Variants in PBX1 observed in about 807,000 individuals in gnomAD.
PBX1 encodes the protein pre-B-cell leukemia transcription factor 1.
PBX1 carries 6 observed loss-of-function variants against 53.4 expected under a neutral mutation model. That is an observed-to-expected ratio of 0.11 (90% CI 0.06 to 0.22). The LOEUF is 0.22. PBX1 is among the 10% of genes least tolerant of loss of function. The probability of loss-of-function intolerance (pLI) is 1.00; values close to 1 mark genes in which losing one functional copy is unlikely to be tolerated. For synonymous variants in PBX1, 204 were observed against 212.3 expected (o/e 0.96, Z 0.34); for missense variants, 251 against 551.4 (o/e 0.46, Z 5.46).
intron 2 of PBX1, among the ~76,000 whole-genome samples, chr1:164,711,869 C>T (rs911023699): frequency 4.6e-5 from 7 of 152,082 alleles, no homozygotes; most frequent in Admixed American, 2.0e-4. Context: ...CTTCACAGGC[C>T]GAGGGTCTTT....
rs1450262513 is a variant in PBX1, at chr1:164,779,206, A to T, written c.266-13288A>T. Among the ~76,000 whole-genome samples the T allele has an allele frequency of 3.9e-5, 6 of 151,992 alleles. 1 individual carries two copies. The South Asian group carries it at 6.2e-4, about 16-fold the overall frequency. On this transcript the variant is annotated intron_variant, in intron 2 of 8. Transcript: ENST00000420696. ...AATATGGCGTATTTAGTTCTTCTCT[A>T]CCACATTGTCCACATACCTGTTCTA... is the stretch of plus-strand genomic sequence containing the variant.
intron 2 of PBX1, among the ~76,000 whole-genome samples, chr1:164,711,422 C>T (rs564881810): frequency 6.6e-6 from 1 of 152,312 alleles, no homozygotes; most frequent in African/African-American, 2.4e-5. Context: ...CGCCACCATG[C>T]CCGGCTAATT....
chr1:164,724,271 C>G (rs1664563627), intron 2 of PBX1, among the ~76,000 whole-genome samples: 1 of 152,118 alleles, frequency 6.6e-6, no homozygotes, highest in Non-Finnish European at 1.5e-5. Flanking sequence ...GCTTCCAGGC[C>G]CATGGATTTC....
At chr1:164,733,378 G>A (rs1665100856) in intron 2 of PBX1, among the ~76,000 whole-genome samples, 2 of 152,112 alleles carry the variant, frequency 1.3e-5, no homozygotes, top group South Asian at 4.1e-4. Flanking sequence ...TGGGTCCTGT[G>A]CATCTCTGTG....
chr1:164,686,224 CT>C (rs949253581), intron 2 of PBX1, among the ~76,000 whole-genome samples: 1 of 152,200 alleles, frequency 6.6e-6, no homozygotes, highest in East Asian at 1.9e-4. Context: ...CCACTGTACT[CT>C]TTTCAGATGA....
intron 2 of PBX1, among the ~76,000 whole-genome samples, chr1:164,878,086 T>C (rs78499915): frequency 0.048 from 7,369 of 152,296 alleles, 218 homozygotes; most frequent in East Asian, 0.096. Context: ...CATAAACACT[T>C]AGAGTGCTTA....
At chr1:164,573,015 T>C (rs746495306) in intron 2 of PBX1, among the ~76,000 whole-genome samples, 17 of 152,194 alleles carry the variant, frequency 1.1e-4, no homozygotes, top group Admixed American at 2.6e-4. Flanking sequence ...CCCCCTCCCC[T>C]ACTTCTAGAG....
chr1:164,786,720 T>TGTGTGTGTGTGTGTGTGTGTGTGCGC (rs1357886882), intron 2 of PBX1, among the ~76,000 whole-genome samples: 3 of 116,254 alleles, frequency 2.6e-5, no homozygotes, highest in African/African-American at 1.0e-4. Flanking sequence ...TGTGTGTGTG[T>TGTGTGTGTGTGTGTGTGTGTGTGCGC]GCGCGCGCAC....
Position 164,745,301 on chromosome 1 carries a change from G to T in PBX1, c.266-47193G>T, listed in dbSNP as rs16834286. Among the ~76,000 whole-genome samples, 6 of 152,048 alleles carry T rather than the reference G, an allele frequency of 3.9e-5. No individual in the cohort carries two copies. The South Asian group carries it at 1.2e-3, about 32-fold the overall frequency. ...TGCCCTGGGACTTTCCTTTATCATC[G>T]CAGACTGTGTATTAAAAGTCCTTTG... On this transcript the variant is annotated intron_variant, in intron 2 of 8. Transcript: ENST00000420696.
intron 1 of PBX1, among the ~76,000 whole-genome samples, chr1:164,562,065 T>C (rs971165297): frequency 4.6e-5 from 7 of 152,068 alleles, no homozygotes; most frequent in Non-Finnish European, 1.0e-4. Context: ...CTTTTTCTAG[T>C]CACACCTTTA....
At chr1:164,596,477 G>A (rs930148168) in intron 2 of PBX1, among the ~76,000 whole-genome samples, 2 of 152,224 alleles carry the variant, frequency 1.3e-5, no homozygotes, top group Non-Finnish European at 2.9e-5. Flanking sequence ...GCCCCCAGGG[G>A]CCATTTGGCA....
rs567829083 is a variant in PBX1, at chr1:164,559,634, C to T, written c.-189C>T. On this transcript the variant is annotated 5_prime_UTR_variant, in exon 1 of 9. Transcript: ENST00000420696. The stretch of plus-strand genomic sequence containing the variant: ...CACGCCCCCTCCCCCTCCCCCTCCT[C>T]ATCCTCCCACCATCCTCTAAAGAGG... 2.0e-5 allele frequency: 8 copies of T among 391,304 alleles called. No individual in the cohort carries two copies. The South Asian group carries it at 3.9e-4, about 19-fold the overall frequency. The allele number at this position is 391,304 out of a possible 1,614,324, so 24.2% of individuals were successfully genotyped here. A position where few individuals can be genotyped will look rare whatever the true frequency, so the allele number is the denominator to read the frequency against.
chr1:164,815,257 C>T (rs1669824692), intron 6 of PBX1: 1 of 152,178 alleles, frequency 6.6e-6, no homozygotes, highest in African/African-American at 2.4e-5. Flanking sequence ...AAGAAATTGA[C>T]TTGTGCATTA....
chr1:164,879,584 G>A (rs189899191), intron 2 of PBX1, among the ~76,000 whole-genome samples: 12 of 152,320 alleles, frequency 7.9e-5, no homozygotes, highest in Admixed American at 7.8e-4. Flanking sequence ...TGAGGTCAGA[G>A]GTGAAGATCA....
chr1:164,722,932 T>C (rs1170115426), intron 2 of PBX1, among the ~76,000 whole-genome samples: 1 of 152,142 alleles, frequency 6.6e-6, no homozygotes, highest in Non-Finnish European at 1.5e-5. Context: ...CTGTTAACAG[T>C]AAGCATGGAA....
Position 164,741,948 on chromosome 1 carries a change from A to T in PBX1, c.266-50546A>T, listed in dbSNP as rs149592005. Among the ~76,000 whole-genome samples the T allele has an allele frequency of 1.9e-3, 296 of 152,180 alleles. 3 individuals are homozygous for T. Among genetic ancestry groups the T allele is most frequent in the Admixed American group, 4.8e-3 (74 of 15,270 alleles). The stretch of plus-strand genomic sequence containing the variant: ...TTTTTTTTTTAACATTTCTAGGCTT[A>T]CTATATTCTATCTGGAAAAATATAA... On this transcript the variant is annotated intron_variant, in intron 2 of 8. Coordinates refer to ENST00000420696, the MANE Select transcript of PBX1 (RefSeq NM_002585.4).
intron 8 of PBX1, among the ~76,000 whole-genome samples, chr1:164,837,880 C>G (rs991770069): frequency 6.6e-6 from 1 of 152,180 alleles, no homozygotes; most frequent in African/African-American, 2.4e-5. Context: ...CACACCATCT[C>G]CTATACTATG....
At chr1:164,652,956 A>C (rs539929330) in intron 2 of PBX1, among the ~76,000 whole-genome samples, 28 of 148,238 alleles carry the variant, frequency 1.9e-4, no homozygotes, top group African/African-American at 7.0e-4. Flanking sequence ...TTCAATCTCT[A>C]CCTCCCGGGT....
At chr1:164,775,571 G>A (rs1423998453) in intron 2 of PBX1, among the ~76,000 whole-genome samples, 1 of 151,954 alleles carries the variant, frequency 6.6e-6, no homozygotes, top group Non-Finnish European at 1.5e-5. Flanking sequence ...TGGCTTGGGT[G>A]CAGTCTACGA....
Sources: gnomAD v4.1 joint callset for allele counts (sites outside exome capture counted in the v4.1 genomes callset) on GRCh38, gnomAD v4.1.1 for gene constraint, MANE v1.5 for transcripts, NCBI Gene and HGNC (gene_info 2026-07-23, HGNC 2026-07-21) for gene names.